Variants in CAMSAP1 observed in about 807,000 individuals in gnomAD.
CAMSAP1 encodes calmodulin-regulated spectrin-associated protein 1.
In CAMSAP1, 58 loss-of-function variants were observed where a neutral mutation model predicts 143.5. The ratio of observed to expected loss-of-function variants is 0.40; its 90% CI spans 0.33 to 0.50. CAMSAP1 has a LOEUF of 0.50. Ranked by LOEUF, CAMSAP1 falls within the 20% of genes least tolerant of loss-of-function variation. The pLI is 0.45. For synonymous variants in CAMSAP1, 945 were observed against 859.3 expected, an observed-to-expected ratio of 1.10 and a Z score of -1.74; for missense variants, 1,969 against 2,115.7, an observed-to-expected ratio of 0.93 and a Z score of 1.36.
At chr9:135,856,286 A>AAG (rs1297574337) in intron 5 of CAMSAP1, among the ~76,000 whole-genome samples, 1 of 152,170 alleles carries the variant, frequency 6.6e-6, no homozygotes, top group Non-Finnish European at 1.5e-5. Flanking sequence ...TGACGGCGGC[A>AAG]AGAGAGAGAA....
intron 7 of CAMSAP1, chr9:135,837,025 AC>A: frequency 1.2e-6 from 1 of 838,590 alleles, no homozygotes; most frequent in Non-Finnish European, 1.4e-6. Context: ...GACACACGTC[AC>A]CACACATGTT....
chr9:135,822,466 G>A lies in CAMSAP1; in HGVS notation c.2195C>T (p.Thr732Ile), dbSNP rs772114962. 4 of 1,613,400 alleles carry A rather than the reference G, an allele frequency of 2.5e-6. No individual in the cohort carries two copies. Among genetic ancestry groups the A allele is most frequent in the East Asian group, 2.2e-5 (1 of 44,816 alleles). ...SPNSHDSEPW[T>I]LLRQDSDSDV... is the part of the protein sequence containing the mutation. The stretch of plus-strand genomic sequence containing the variant: ...CGAGTCAGAATCCTGCCTGAGGAGA[G>A]TCCACGGCTCTGAATCGTGGGAGTT... The change falls in exon 11 of 17, where the codon ACT becomes ATT. Residue 732 changes from threonine (T) to isoleucine (I), a missense_variant. Physicochemically the swap from Thr to Ile is moderately conservative, Grantham distance 89. Transcript: ENST00000389532. The surrounding 1 kb of genome is among the most constrained non-coding windows in gnomAD (Gnocchi z 6.1).
chr9:135,879,562 C>T (rs1375021899), intron 3 of CAMSAP1, among the ~76,000 whole-genome samples: 1 of 151,530 alleles, frequency 6.6e-6, no homozygotes, highest in East Asian at 1.9e-4. Context: ...TTCAAATGGG[C>T]AAGTAATTTT....
rs758786593 is a variant in CAMSAP1 at position 135,818,062 on chromosome 9, T to G, written c.4186A>C (p.Thr1396Pro). 6.2e-7 allele frequency: 1 copy of G among 1,613,490 alleles called. No individual in the cohort carries two copies. The highest frequency in any genetic ancestry group is 8.5e-7 in the Non-Finnish European group (1 of 1,179,840). Residue 1396 changes from threonine (T) to proline (P), a missense_variant, in exon 14 of 17, where the codon ACT becomes CCT. Physicochemically the swap from Thr to Pro is conservative, Grantham distance 38. Transcript: ENST00000389532. The surrounding 1 kb of genome is among the most constrained non-coding windows in gnomAD (Gnocchi z 7.7). ...AAGGACAGGCTGGAGCCTGACTGAG[T>G]CCGGCTCAAGTTATCAGCTGCCAGA... Reference protein sequence around the residue: ...CSSTPDNLSRTQSGSSLSLAS... With the variant: ...CSSTPDNLSRPQSGSSLSLAS...
At position 135,907,171 on chromosome 9, in the gene CAMSAP1, G is replaced by C. The variant is rs1406335205; in HGVS notation, c.-12C>G. ...CTCGCGTCCACCATCTGCAGACAAAGGGCTGAGGCGGCGGCCCGGCCGCAA... is the reference window on the plus strand; with the variant it reads ...CTCGCGTCCACCATCTGCAGACAAACGGCTGAGGCGGCGGCCCGGCCGCAA... On this transcript the variant is annotated 5_prime_UTR_variant, in exon 1 of 17. Transcript: ENST00000389532. The C allele has an allele frequency of 1.8e-5, 20 of 1,082,572 alleles. No individual in the cohort carries two copies. Among genetic ancestry groups the C allele is most frequent in the Non-Finnish European group, 2.1e-5 (19 of 892,018 alleles). 67.1% of individuals were successfully genotyped at this position (1,082,572 alleles called of 1,614,324 possible).
intron 7 of CAMSAP1, among the ~76,000 whole-genome samples, chr9:135,828,947 A>G (rs1835765887): frequency 6.6e-6 from 1 of 152,234 alleles, no homozygotes; most frequent in Non-Finnish European, 1.5e-5. Context: ...AGAACATTTT[A>G]TCTGGCGAAG....
Position 135,821,958 on chromosome 9 carries a change from C to T in CAMSAP1, c.2703G>A (p.Ala901=), listed in dbSNP as rs776992815. The T allele has an allele frequency of 2.5e-6, 4 of 1,612,350 alleles. No individual in the cohort carries two copies. The highest frequency in any genetic ancestry group is 3.4e-6 in the Non-Finnish European group (4 of 1,179,476). The change falls in exon 11 of 17, where the codon GCG becomes GCA. Residue 901 remains alanine (A), a synonymous_variant. Transcript: ENST00000389532. The surrounding 1 kb of genome is among the most constrained non-coding windows in gnomAD (Gnocchi z 4.6). ...AIEAQKKKME[A]LSARQRLKLG... is the part of the protein sequence containing the mutation. ...GCTTCAGGCGCTGCCTTGCCGACAG[C>T]GCCTCCATCTTCTTCTTCTGGGCCT...
At chr9:135,892,381 GAAGA>G (rs1838315558) in intron 1 of CAMSAP1, among the ~76,000 whole-genome samples, 1 of 152,034 alleles carries the variant, frequency 6.6e-6, no homozygotes, top group African/African-American at 2.4e-5. Context: ...ATCAAAAGAA[GAAGA>G]AAAAAGAACT....
intron 7 of CAMSAP1, among the ~76,000 whole-genome samples, chr9:135,843,102 TG>T (rs1222936490): frequency 2.0e-5 from 3 of 151,658 alleles, no homozygotes; most frequent in Non-Finnish European, 2.9e-5. Context: ...CCGTGGCAGG[TG>T]AATTACCTGA....
In CAMSAP1 at chr9:135,818,758, A is replaced by C; in HGVS notation, c.3960-142T>G. ...AGTGGCCAGCCTCCACAAGCGGGACACAGAGGCTGCAAAGGCAGTCCTGCA... is the reference window on the plus strand; with the variant it reads ...AGTGGCCAGCCTCCACAAGCGGGACCCAGAGGCTGCAAAGGCAGTCCTGCA... On this transcript the variant is annotated intron_variant, in intron 12 of 16. Transcript: ENST00000389532. This position sits in a 1 kb window ranked among gnomAD's most constrained non-coding sequence, Gnocchi z 7.7. The C allele has an allele frequency of 3.5e-6, 4 of 1,159,164 alleles. No homozygotes were observed. The highest frequency in any genetic ancestry group is 4.8e-6 in the Non-Finnish European group (4 of 838,724). 71.8% of individuals were successfully genotyped at this position (1,159,164 alleles called of 1,614,324 possible).
At chr9:135,817,407 T>C (rs1303242768) in intron 14 of CAMSAP1, among the ~76,000 whole-genome samples, 2 of 152,168 alleles carry the variant, frequency 1.3e-5, no homozygotes, top group East Asian at 1.9e-4. Context: ...TTTTGGGGGT[T>C]TTCTGGCAGC....
In CAMSAP1 at chr9:135,894,301, C is replaced by A. The variant is rs993918363; in HGVS notation, c.161-11223G>T. Among the ~76,000 whole-genome samples the A allele has an allele frequency of 2.0e-5, 3 of 152,214 alleles. No individual in the cohort carries two copies. The South Asian group carries it at 6.2e-4, about 32-fold the overall frequency. ...TCACCAGCACCTGGCCTAGGAGGCA[C>A]TCTCCTTCCCCACTGGTCACGGGAC... On this transcript the variant is annotated intron_variant, in intron 1 of 16. Coordinates refer to ENST00000389532, the MANE Select transcript of CAMSAP1 (RefSeq NM_015447.4).
Position 135,907,210 on chromosome 9 carries a change from G to T in CAMSAP1, c.-51C>A. The T allele has an allele frequency of 9.8e-7, 1 of 1,023,580 alleles. No homozygotes were observed. The allele number at this position is 1,023,580 out of a possible 1,614,324, so 63.4% of individuals were successfully genotyped here. ...GCCCGGCCGCAACAAAGGCGCCGCCGCCCCTCGCCGCGCCGGGCCCGGTGC... is the reference window on the plus strand; with the variant it reads ...GCCCGGCCGCAACAAAGGCGCCGCCTCCCCTCGCCGCGCCGGGCCCGGTGC... On this transcript the variant is annotated 5_prime_UTR_variant, in exon 1 of 17. Coordinates refer to ENST00000389532, the MANE Select transcript of CAMSAP1 (RefSeq NM_015447.4).
At chr9:135,834,366 C>T (rs77824889) in intron 7 of CAMSAP1, among the ~76,000 whole-genome samples, 4,628 of 152,228 alleles carry the variant, frequency 0.03, 97 homozygotes, top group East Asian at 0.047. Context: ...ATGTTTACTG[C>T]GGCACATTTC....
intron 1 of CAMSAP1, among the ~76,000 whole-genome samples, chr9:135,887,006 T>G (rs958543776): frequency 2.6e-5 from 4 of 151,908 alleles, no homozygotes; most frequent in Non-Finnish European, 5.9e-5. Context: ...AAGGGGAGCT[T>G]TGCAATGGAG....
At chr9:135,837,627 C>T (rs1412327562) in intron 7 of CAMSAP1, among the ~76,000 whole-genome samples, 3 of 150,814 alleles carry the variant, frequency 2.0e-5, no homozygotes, top group African/African-American at 4.9e-5. Context: ...TACAGACACA[C>T]GTCATCACGC....
chr9:135,858,950 C>A (rs1428239447), intron 5 of CAMSAP1, among the ~76,000 whole-genome samples: 1 of 152,206 alleles, frequency 6.6e-6, no homozygotes, highest in Non-Finnish European at 1.5e-5. Flanking sequence ...GAAGGCAGGT[C>A]TTCCCTTCTC....
chr9:135,813,080 C>G (rs1282530646), intron 16 of CAMSAP1, among the ~76,000 whole-genome samples: 1 of 152,214 alleles, frequency 6.6e-6, no homozygotes, highest in Non-Finnish European at 1.5e-5. Context: ...AAAACAAACC[C>G]TCCACACGCC....
rs375675045 is a variant in CAMSAP1 at position 135,821,651 on chromosome 9, C to T, written c.3010G>A (p.Ala1004Thr). The change falls in exon 11 of 17, where the codon GCT (alanine) becomes ACT (threonine). Residue 1004 changes from alanine to threonine, a missense_variant. By Grantham distance (58) the Ala-to-Thr change is moderately conservative. Transcript: ENST00000389532. This position sits in a 1 kb window ranked among gnomAD's most constrained non-coding sequence, Gnocchi z 4.6. ...CCAACAGTGTCCTCCAGGAGGGCAG[C>T]GGAGATCACCTTATTTCTCTCCAGC... ...HELERNKVISAALLEDTVGEV... is the reference protein window; with the variant it reads ...HELERNKVISTALLEDTVGEV... 2.8e-5 allele frequency: 45 copies of T among 1,613,876 alleles called. No homozygotes were observed. Among genetic ancestry groups the T allele is most frequent in the Non-Finnish European group, 3.4e-5 (40 of 1,179,896 alleles).
Sources: gnomAD v4.1 joint callset for allele counts (sites outside exome capture counted in the v4.1 genomes callset) on GRCh38, gnomAD v4.1.1 for gene constraint, Gnocchi (gnomAD v3.1) non-coding constraint, MANE v1.5 for transcripts, NCBI Gene and HGNC (gene_info 2026-07-23, HGNC 2026-07-21) for gene names.